ENTREP2: variants seen among roughly 807,000 people sequenced by gnomAD.
The protein encoded by ENTREP2 is endosomal transmembrane epsin interactor 2.
the ENTREP2 span, among the ~76,000 whole-genome samples, chr15:29,290,756 G>A: frequency 1.8e-4 from 28 of 152,290 alleles, no homozygotes; most frequent in African/African-American, 6.3e-4. Flanking sequence ...CTCTGCCTGT[G>A]ATTTCCTTTC....
At chr15:29,555,124 G>C in the ENTREP2 span, among the ~76,000 whole-genome samples, 1 of 152,204 alleles carries the variant, frequency 6.6e-6, no homozygotes, top group South Asian at 2.1e-4. Flanking sequence ...CTGACTCACA[G>C]AGAGAGAAGG....
At chr15:29,565,733 G>A in the ENTREP2 span, among the ~76,000 whole-genome samples, 3 of 152,154 alleles carry the variant, frequency 2.0e-5, no homozygotes, top group African/African-American at 7.2e-5. Context: ...GGAGGCTGAG[G>A]CAGGCGGATC....
chr15:29,571,004 C>G, the ENTREP2 span, among the ~76,000 whole-genome samples: 1 of 145,516 alleles, frequency 6.9e-6, no homozygotes, highest in South Asian at 2.1e-4. Flanking sequence ...GCGCGCTCCC[C>G]GGCCCGAGCG....
the ENTREP2 span, among the ~76,000 whole-genome samples, chr15:29,262,584 G>A: frequency 2.6e-5 from 4 of 152,238 alleles, no homozygotes; most frequent in Admixed American, 6.5e-5. Flanking sequence ...CGTGCCCAGG[G>A]AAGGCATGGA....
the ENTREP2 span, among the ~76,000 whole-genome samples, chr15:29,215,772 G>A: frequency 6.6e-5 from 10 of 151,976 alleles, no homozygotes; most frequent in African/African-American, 2.2e-4. Flanking sequence ...ACCTCTTTAA[G>A]TTTATGTGAG....
At chr15:29,422,527 G>C in the ENTREP2 span, among the ~76,000 whole-genome samples, 1 of 152,188 alleles carries the variant, frequency 6.6e-6, no homozygotes, top group Non-Finnish European at 1.5e-5. Context: ...CAGCAAGTTT[G>C]CGTGTTAAAT....
the ENTREP2 span, among the ~76,000 whole-genome samples, chr15:29,417,078 T>A: frequency 6.6e-6 from 1 of 152,194 alleles, no homozygotes; most frequent in Non-Finnish European, 1.5e-5. Context: ...ATTGTGGAAG[T>A]CAGTGTGGCT....
At chr15:29,264,523 C>A in the ENTREP2 span, among the ~76,000 whole-genome samples, 3 of 152,150 alleles carry the variant, frequency 2.0e-5, no homozygotes, top group East Asian at 5.8e-4. Context: ...AAAAATAACA[C>A]AGCATTGCTT....
At chr15:29,282,526 C>T in the ENTREP2 span, among the ~76,000 whole-genome samples, 1 of 152,186 alleles carries the variant, frequency 6.6e-6, no homozygotes, top group Non-Finnish European at 1.5e-5. Flanking sequence ...GGAGTTTTCT[C>T]CCACTGCACA....
At chr15:29,407,286 G>A in the ENTREP2 span, among the ~76,000 whole-genome samples, 4 of 152,024 alleles carry the variant, frequency 2.6e-5, no homozygotes, top group South Asian at 2.1e-4. Flanking sequence ...ACATAATAAC[G>A]GTACAGTAAA....
At chr15:29,636,381 G>A in the ENTREP2 span, among the ~76,000 whole-genome samples, 1 of 152,226 alleles carries the variant, frequency 6.6e-6, no homozygotes, top group African/African-American at 2.4e-5. Flanking sequence ...CCTTCACCAT[G>A]AGAACACGTC....
the ENTREP2 span, among the ~76,000 whole-genome samples, chr15:29,673,350 G>A: frequency 6.6e-6 from 1 of 152,118 alleles, no homozygotes; most frequent in African/African-American, 2.4e-5. Context: ...TGGGGATGCA[G>A]CCCAGCAGGT....
At chr15:29,299,371 G>A in the ENTREP2 span, among the ~76,000 whole-genome samples, 1 of 152,306 alleles carries the variant, frequency 6.6e-6, no homozygotes, top group Non-Finnish European at 1.5e-5. Flanking sequence ...GAAAGACGCA[G>A]TGGTGGAGAT....
the ENTREP2 span, among the ~76,000 whole-genome samples, chr15:29,370,876 T>C: frequency 6.6e-6 from 1 of 151,946 alleles, no homozygotes; most frequent in African/African-American, 2.4e-5. Context: ...ACCCACATCA[T>C]GGAAGAGTGT....
chr15:29,449,355 C>G, the ENTREP2 span, among the ~76,000 whole-genome samples: 1 of 152,202 alleles, frequency 6.6e-6, no homozygotes, highest in African/African-American at 2.4e-5. Flanking sequence ...ATGGTGCTGA[C>G]AGGGGTCAGC....
At chr15:29,316,697 C>T in the ENTREP2 span, among the ~76,000 whole-genome samples, 1 of 152,108 alleles carries the variant, frequency 6.6e-6, no homozygotes, top group Admixed American at 6.5e-5. Flanking sequence ...ATTCTCTTTA[C>T]TTGTGTATAT....
the ENTREP2 span, among the ~76,000 whole-genome samples, chr15:29,664,564 G>A: frequency 6.6e-6 from 1 of 152,034 alleles, no homozygotes; most frequent in Non-Finnish European, 1.5e-5. Flanking sequence ...GGTATGGCCT[G>A]GGTGCTTGCG....
chr15:29,257,051 T>C, the ENTREP2 span, among the ~76,000 whole-genome samples: 1 of 120,500 alleles, frequency 8.3e-6, no homozygotes. Flanking sequence ...TTATTATTTA[T>C]TTATTTATTT....
the ENTREP2 span, chr15:29,196,367 T>A: frequency 6.6e-7 from 1 of 1,525,260 alleles, no homozygotes; most frequent in Non-Finnish European, 8.9e-7. Context: ...TTAATAAGGC[T>A]TCCTAAACTG....
Sources: gnomAD v4.1 joint callset for allele counts (sites outside exome capture counted in the v4.1 genomes callset) on GRCh38, gnomAD v4.1.1 for gene constraint, MANE v1.5 for transcripts, NCBI Gene and HGNC (gene_info 2026-07-23, HGNC 2026-07-21) for gene names.